VWA8: variants seen among roughly 807,000 people sequenced by gnomAD.
VWA8 encodes the protein von Willebrand factor A domain containing 8.
In VWA8, 221 loss-of-function variants were observed where a neutral mutation model predicts 241.5. That is an observed-to-expected ratio of 0.91 (90% CI 0.82 to 1.02). The LOEUF (loss-of-function observed/expected upper bound fraction) is 1.02, where lower values mean the gene tolerates loss of function less well. VWA8 is among the 50% of genes least tolerant of loss of function. The probability of loss-of-function intolerance (pLI) is 0.00; values close to 1 mark genes in which losing one functional copy is unlikely to be tolerated. For synonymous variants in VWA8, 852 were observed against 827.1 expected (o/e 1.03, Z -0.52); for missense variants, 2,322 against 2,328.7 (o/e 1.00, Z 0.06).
intron 17 of VWA8, among the ~76,000 whole-genome samples, chr13:41,804,589 GGTAATA>G (rs1395649091): frequency 6.6e-6 from 1 of 151,898 alleles, no homozygotes; most frequent in African/African-American, 2.4e-5. Flanking sequence ...AAAATTCACT[GGTAATA>G]GTAAGTATAC....
intron 34 of VWA8, among the ~76,000 whole-genome samples, chr13:41,687,234 T>C (rs1182175448): frequency 6.6e-6 from 1 of 152,144 alleles, no homozygotes; most frequent in Non-Finnish European, 1.5e-5. Flanking sequence ...TCTTTATATA[T>C]CATGTCTAAG....
At chr13:41,803,055 C>T (rs1021810088) in intron 17 of VWA8, among the ~76,000 whole-genome samples, 6 of 152,232 alleles carry the variant, frequency 3.9e-5, no homozygotes, top group Non-Finnish European at 8.8e-5. Flanking sequence ...TTACCCAAGA[C>T]CACCAATGTG....
intron 26 of VWA8, chr13:41,719,272 A>G (rs2045366328): frequency 1.1e-6 from 1 of 887,828 alleles, no homozygotes; most frequent in Non-Finnish European, 1.4e-6. Context: ...TGCTCGTACA[A>G]TGATGTGCAC....
At chr13:41,866,257 G>A (rs1873296962) in intron 10 of VWA8, among the ~76,000 whole-genome samples, 1 of 151,948 alleles carries the variant, frequency 6.6e-6, no homozygotes, top group African/African-American at 2.4e-5. Flanking sequence ...GCTGAGGTAG[G>A]AGAATCGCTT....
chr13:41,675,223 A>G lies in VWA8; in HGVS notation c.4401T>C (p.Pro1467=), dbSNP rs766316512. 11 of 1,610,170 alleles carry G rather than the reference A, an allele frequency of 6.8e-6. No homozygotes were observed. In the East Asian group the frequency reaches 2.2e-4, roughly 33 times the overall value. The change falls in exon 36 of 45, where the codon CCT becomes CCC. Residue 1467 remains proline (P), a synonymous_variant. Coordinates refer to ENST00000379310, the MANE Select transcript of VWA8 (RefSeq NM_015058.2). The part of the protein sequence containing the change: ...DLQSKKLRYI[P]IPRSESLSPY... ...AAGGTGAAATGGATTACCTGGGAAT[A>G]GGGATATATCGGAGTTTCTTTGATT...
chr13:41,836,501 A>C (rs964433917), intron 12 of VWA8, among the ~76,000 whole-genome samples: 2 of 152,202 alleles, frequency 1.3e-5, no homozygotes, highest in African/African-American at 4.8e-5. Context: ...GCTGAAGCTA[A>C]AAACTGGTAA....
chr13:41,898,963 CT>C (rs1297728071), intron 4 of VWA8, among the ~76,000 whole-genome samples: 4 of 152,236 alleles, frequency 2.6e-5, no homozygotes, highest in Non-Finnish European at 5.9e-5. Context: ...GCGCCTCTTC[CT>C]CCACACCTCC....
intron 12 of VWA8, among the ~76,000 whole-genome samples, chr13:41,860,362 G>T (rs1455659671): frequency 6.6e-6 from 1 of 152,124 alleles, no homozygotes; most frequent in Non-Finnish European, 1.5e-5. Flanking sequence ...ATGTACAAAG[G>T]ATGGGTAAAT....
intron 24 of VWA8, among the ~76,000 whole-genome samples, chr13:41,725,084 G>A (rs527938590): frequency 1.3e-5 from 2 of 152,152 alleles, no homozygotes; most frequent in African/African-American, 4.8e-5. Flanking sequence ...TCCCTCTCAA[G>A]GGCAGAGGGG....
chr13:41,580,010 C>T (rs2139639097), intron 42 of VWA8, among the ~76,000 whole-genome samples: 1 of 151,792 alleles, frequency 6.6e-6, no homozygotes, highest in Non-Finnish European at 1.5e-5. Context: ...CCACACCTGG[C>T]TAATTTTTGT....
intron 40 of VWA8, among the ~76,000 whole-genome samples, chr13:41,596,825 AC>A (rs2044491647): frequency 6.6e-6 from 1 of 151,378 alleles, no homozygotes; most frequent in Non-Finnish European, 1.5e-5. Flanking sequence ...ACACACACAC[AC>A]ACACACATCT....
chr13:41,640,487 AAG>A (rs1412946861), intron 37 of VWA8, among the ~76,000 whole-genome samples: 1 of 151,120 alleles, frequency 6.6e-6, no homozygotes, highest in Non-Finnish European at 1.5e-5. Context: ...GACTAAGACT[AAG>A]AGAGGAAATA....
intron 14 of VWA8, 62 bp downstream of exon 14, chr13:41,830,467 T>C: frequency 2.9e-6 from 4 of 1,371,170 alleles, no homozygotes. Flanking sequence ...AGAAAAATCA[T>C]AAAAAGTATT....
intron 21 of VWA8, among the ~76,000 whole-genome samples, chr13:41,734,369 C>T (rs1405018367): frequency 6.6e-6 from 1 of 152,008 alleles, no homozygotes; most frequent in African/African-American, 2.4e-5. Context: ...CTAAGGAATG[C>T]ATCTGTAGGT....
Position 41,880,075 on chromosome 13 carries a change from T to C in VWA8, c.1080+3312A>G, listed in dbSNP as rs979869456. On this transcript the variant is annotated intron_variant, in intron 9 of 44. Transcript: ENST00000379310. Reference sequence around the variant, plus strand: ...TTTTGGAAAACACCACTGTTAACTATACAATGAGGAAATTATGCCACACAT... The same window carrying C: ...TTTTGGAAAACACCACTGTTAACTACACAATGAGGAAATTATGCCACACAT... Among the ~76,000 whole-genome samples the C allele has an allele frequency of 7.2e-5, 11 of 152,184 alleles. 1 individual carries two copies.
At chr13:41,726,158 A>T (rs548577163) in intron 24 of VWA8, among the ~76,000 whole-genome samples, 60 of 151,926 alleles carry the variant, frequency 3.9e-4, no homozygotes, top group African/African-American at 1.4e-3. Flanking sequence ...CAGTAAACTT[A>T]TTCTCTTTTT....
chr13:41,921,695 G>A (rs1474385459), intron 2 of VWA8, among the ~76,000 whole-genome samples: 2 of 152,282 alleles, frequency 1.3e-5, no homozygotes, highest in African/African-American at 4.8e-5. Context: ...TTGCTTCAAA[G>A]AGAATAAAAT....
chr13:41,675,105 A>G (rs1246119924), intron 36 of VWA8, 110 bp downstream of exon 36: 1 of 618,602 alleles, frequency 1.6e-6, no homozygotes, highest in Non-Finnish European at 2.7e-6. Flanking sequence ...AAAAAAAAAG[A>G]GCTTGCTATT....
At chr13:41,718,819 G>T (rs1471608899) in intron 26 of VWA8, among the ~76,000 whole-genome samples, 3 of 150,900 alleles carry the variant, frequency 2.0e-5, no homozygotes, top group African/African-American at 7.3e-5. Flanking sequence ...CTCCTTTTGG[G>T]GCTAAAATTG....
Sources: gnomAD v4.1 joint callset for allele counts (sites outside exome capture counted in the v4.1 genomes callset) on GRCh38, gnomAD v4.1.1 for gene constraint, MANE v1.5 for transcripts, NCBI Gene and HGNC (gene_info 2026-07-23, HGNC 2026-07-21) for gene names.